Variants in RBM47 observed in about 807,000 individuals in gnomAD.
The protein encoded by RBM47 is RNA binding motif protein 47.
RBM47 carries 21 observed loss-of-function variants against 47.1 expected under a neutral mutation model. That is an observed-to-expected ratio of 0.45 (90% CI 0.32 to 0.64). The LOEUF is 0.64. RBM47 is among the 30% of genes least tolerant of loss of function. The pLI is 0.05. For missense variants in RBM47, 708 were observed against 870.9 expected, an observed-to-expected ratio of 0.81 and a Z score of 2.35; for synonymous variants, 375 against 361.7, an observed-to-expected ratio of 1.04 and a Z score of -0.42.
chr4:40,570,885 A>G (rs1167421759), intron 1 of RBM47, among the ~76,000 whole-genome samples: 1 of 152,068 alleles, frequency 6.6e-6, no homozygotes, highest in African/African-American at 2.4e-5. Context: ...CAGAGGAAAC[A>G]GTGGAATGAT....
intron 2 of RBM47, chr4:40,491,619 C>T (rs1721878292): frequency 6.5e-6 from 1 of 153,734 alleles, no homozygotes; most frequent in Non-Finnish European, 1.4e-5. Context: ...ATATAAAGAA[C>T]TCCTACAACT....
At chr4:40,514,531 C>T (rs750714607) in intron 2 of RBM47, 1 of 152,164 alleles carries the variant, frequency 6.6e-6, no homozygotes, top group Non-Finnish European at 1.5e-5. Context: ...AAGCACCTGG[C>T]GCTCTCTTTC....
At chr4:40,441,394 A>G (rs756441113) in intron 3 of RBM47, among the ~76,000 whole-genome samples, 1 of 152,084 alleles carries the variant, frequency 6.6e-6, no homozygotes, top group Non-Finnish European at 1.5e-5. Context: ...CTAGGATTAC[A>G]GGCATGAGCC....
chr4:40,432,951 T>C, intron 5 of RBM47, 89 bp from the exon 6 acceptor site: 2 of 1,495,332 alleles, frequency 1.3e-6, no homozygotes, highest in Non-Finnish European at 1.8e-6. Flanking sequence ...TTTTTATTTT[T>C]ATTTTTTTAA....
chr4:40,517,797 A>G (rs1725758709), intron 2 of RBM47, among the ~76,000 whole-genome samples: 1 of 152,196 alleles, frequency 6.6e-6, no homozygotes, highest in South Asian at 2.1e-4. Context: ...TATTCCCTAA[A>G]CAATACAGCA....
intron 3 of RBM47, among the ~76,000 whole-genome samples, chr4:40,449,325 C>T (rs1267747256): frequency 6.6e-6 from 1 of 152,122 alleles, no homozygotes; most frequent in African/African-American, 2.4e-5. Context: ...GTTGAAGATA[C>T]AAGGGAATAA....
At chr4:40,526,573 GTTTTTGT>G (rs1726734792) in intron 2 of RBM47, among the ~76,000 whole-genome samples, 1 of 151,640 alleles carries the variant, frequency 6.6e-6, no homozygotes, top group Non-Finnish European at 1.5e-5. Flanking sequence ...TGTTTTTGGG[GTTTTTGT>G]TTTTTGTTTT....
rs1553911129 is a variant in RBM47, at chr4:40,628,662, TA to T, written c.-240+733del. Among the ~76,000 whole-genome samples, 6 of 106,538 alleles carry T rather than the reference TA, an allele frequency of 5.6e-5. No individual in the cohort carries two copies. Among genetic ancestry groups the T allele is most frequent in the Admixed American group, 8.5e-5 (1 of 11,708 alleles). 69.9% of individuals were successfully genotyped at this position (106,538 alleles called of 152,430 possible). A position where few individuals can be genotyped will look rare whatever the true frequency, so the allele number is the denominator to read the frequency against. On this transcript the variant is annotated intron_variant, in intron 1 of 6. Coordinates refer to ENST00000295971, the MANE Select transcript of RBM47 (RefSeq NM_001098634.2). This position sits in a 1 kb window ranked among gnomAD's most constrained non-coding sequence, Gnocchi z 4.0. ...AGTGAGTCATTAAAATACCACCAGA[TA>T]AAAAAAAAAGGTTTGATTTTTAGTT...
chr4:40,478,149 G>A (rs1338019903), intron 2 of RBM47, among the ~76,000 whole-genome samples: 1 of 151,700 alleles, frequency 6.6e-6, no homozygotes, highest in African/African-American at 2.4e-5. Context: ...CCGAGTAGCT[G>A]GGATTACAGC....
At chr4:40,527,982 T>C (rs928951708) in intron 2 of RBM47, among the ~76,000 whole-genome samples, 1 of 152,178 alleles carries the variant, frequency 6.6e-6, no homozygotes, top group African/African-American at 2.4e-5. Context: ...ATTCATACAC[T>C]TTACTTTAAT....
At chr4:40,623,525 G>T (rs1737455346) in intron 1 of RBM47, among the ~76,000 whole-genome samples, 2 of 152,144 alleles carry the variant, frequency 1.3e-5, no homozygotes, top group African/African-American at 4.8e-5. Flanking sequence ...TTAGAGGTGA[G>T]ATCTCACTAT....
chr4:40,562,873 A>G (rs1469828528), intron 1 of RBM47, among the ~76,000 whole-genome samples: 1 of 152,222 alleles, frequency 6.6e-6, no homozygotes, highest in Non-Finnish European at 1.5e-5. Flanking sequence ...AAGCGACAGC[A>G]ACAATAAAGA....
At chr4:40,444,061 T>C (rs1197750146) in intron 3 of RBM47, among the ~76,000 whole-genome samples, 2 of 151,910 alleles carry the variant, frequency 1.3e-5, no homozygotes, top group Non-Finnish European at 1.5e-5. Context: ...TAGCCGGGCA[T>C]GGTGGTGTGT....
chr4:40,598,083 A>G lies in RBM47; in HGVS notation c.-240+31313T>C, dbSNP rs375754730. The stretch of plus-strand genomic sequence containing the variant: ...TGAAAATTCTTTAGTGTATTATTGC[A>G]TAGCAGAGTAGTGTGACAAGGATCA... On this transcript the variant is annotated intron_variant, in intron 1 of 6. Transcript: ENST00000295971. Among the ~76,000 whole-genome samples, 29 of 152,326 alleles carry G rather than the reference A, an allele frequency of 1.9e-4. 1 individual carries two copies. The highest frequency in any genetic ancestry group is 1.2e-3 in the South Asian group (6 of 4,834).
chr4:40,524,286 C>T (rs749564138), intron 2 of RBM47, among the ~76,000 whole-genome samples: 20 of 152,250 alleles, frequency 1.3e-4, no homozygotes, highest in African/African-American at 2.2e-4. Context: ...AATGAGGAAA[C>T]GGAAACCCAA....
Position 40,423,924 on chromosome 4 carries a change from G to C in RBM47, c.*1980C>G, listed in dbSNP as rs1199535751. On this transcript the variant is annotated 3_prime_UTR_variant, in exon 7 of 7. Coordinates refer to ENST00000295971, the MANE Select transcript of RBM47 (RefSeq NM_001098634.2). ...TCGAGTCACTCATTCCCACAGATTT[G>C]AGTTTGAATGCAGCTTGTGGGGTAC... 6.6e-6 allele frequency: 1 copy of C among 152,418 alleles called. No homozygotes were observed. Among genetic ancestry groups the C allele is most frequent in the South Asian group, 2.1e-4 (1 of 4,830 alleles). The allele number at this position is 152,418 out of a possible 1,614,324, so 9.4% of individuals were successfully genotyped here.
intron 2 of RBM47, among the ~76,000 whole-genome samples, chr4:40,538,328 G>GGT: frequency 7.9e-6 from 1 of 125,796 alleles, no homozygotes; most frequent in African/African-American, 3.1e-5. Context: ...TATTGGTATT[G>GGT]TTTTTTTTTT....
At chr4:40,436,954 CTG>C in intron 4 of RBM47, 1 of 447,390 alleles carries the variant, frequency 2.2e-6, no homozygotes, top group South Asian at 1.6e-5. Context: ...AAAAAAAAAA[CTG>C]TGGCCAGGTG....
At chr4:40,462,463 G>GT (rs1007308676) in intron 3 of RBM47, among the ~76,000 whole-genome samples, 11 of 151,966 alleles carry the variant, frequency 7.2e-5, no homozygotes, top group Admixed American at 2.0e-4. Flanking sequence ...CCACATGCAC[G>GT]TTTTTTTCTA....
Sources: gnomAD v4.1 joint callset for allele counts (sites outside exome capture counted in the v4.1 genomes callset) on GRCh38, gnomAD v4.1.1 for gene constraint, Gnocchi (gnomAD v3.1) non-coding constraint, MANE v1.5 for transcripts, NCBI Gene and HGNC (gene_info 2026-07-23, HGNC 2026-07-21) for gene names.